Variants in MFSD12 observed in about 807,000 individuals in gnomAD.
MFSD12 encodes the protein major facilitator superfamily domain-containing protein 12.
MFSD12 carries 67 observed loss-of-function variants against 51.2 expected under a neutral mutation model. The observed-to-expected ratio is 1.31, with a 90% CI of 1.08 to 1.60. The LOEUF (loss-of-function observed/expected upper bound fraction) is 1.60. Among genes scored for constraint, MFSD12 ranks in the 40% most tolerant of loss-of-function variants. The pLI is 0.00. For missense variants in MFSD12, 921 were observed against 673.0 expected (o/e 1.37, Z -4.08); for synonymous variants, 441 against 316.7 (o/e 1.39, Z -4.17).
downstream of MFSD12, chr19:3,542,711 G>A (rs562643958): frequency 7.0e-6 from 9 of 1,287,776 alleles, no homozygotes; most frequent in East Asian, 1.1e-4. Context: ...TCGAACTCCT[G>A]ACCTCAAGTG....
chr19:3,543,403 C>T, downstream of MFSD12: 1 of 1,548,430 alleles, frequency 6.5e-7, no homozygotes, highest in Non-Finnish European at 8.7e-7. Context: ...GGGCCCCGGC[C>T]AGCCCCTTCC....
At chr19:3,545,191 G>C (rs1380773155) in intron 8 of MFSD12, among the ~76,000 whole-genome samples, 1 of 152,136 alleles carries the variant, frequency 6.6e-6, no homozygotes, top group Non-Finnish European at 1.5e-5. Context: ...GCCCCAGCAT[G>C]GCCCGCCTGC....
downstream of MFSD12, chr19:3,543,004 C>T (rs1235966973): frequency 6.3e-7 from 1 of 1,599,062 alleles, no homozygotes; most frequent in Non-Finnish European, 8.5e-7. Context: ...TTAGTGCTGA[C>T]TTGGGTGCTT....
rs1448392547 is a variant in MFSD12, at chr19:3,546,422, T to A, written c.1027A>T (p.Thr343Ser). Reference sequence around the variant, plus strand: ...ATCACCAGGAGGCCTGAGAAGTAGGTCATCTGCAGGGACAGCCCCGGGGTC... The same window carrying A: ...ATCACCAGGAGGCCTGAGAAGTAGGACATCTGCAGGGACAGCCCCGGGGTC... ...PINKCIGRNM[T>S]YFSGLLVILA... is the part of the protein sequence containing the mutation. The change falls in exon 7 of 10, where the codon ACC becomes TCC. Residue 343 changes from threonine (T) to serine (S), a missense_variant. Transcript: ENST00000355415. 1 of 1,604,342 alleles carries A rather than the reference T, an allele frequency of 6.2e-7. No individual in the cohort carries two copies. Among genetic ancestry groups the A allele is most frequent in the Non-Finnish European group, 8.5e-7 (1 of 1,176,226 alleles).
chr19:3,545,074 C>A (rs2030872133), intron 8 of MFSD12, 135 bp from the exon 9 acceptor site: 1 of 1,167,912 alleles, frequency 8.6e-7, no homozygotes, highest in Non-Finnish European at 1.2e-6. Context: ...CCTGCCACTC[C>A]CTCCCTCCTG....
At position 3,551,336 on chromosome 19, in the gene MFSD12, G is replaced by C. The variant is rs1599837218; in HGVS notation, c.299-142C>G. On this transcript the variant is annotated intron_variant, in intron 1 of 9. Transcript: ENST00000355415. This position sits in a 1 kb window ranked among gnomAD's most constrained non-coding sequence, Gnocchi z 4.6. The stretch of plus-strand genomic sequence containing the variant: ...ATGCACACAGTCACGCAGGAGCGAG[G>C]GTCTGCAGTCGGGGTCCCCCAGGCT... 1 of 668,284 alleles carries C rather than the reference G, an allele frequency of 1.5e-6. No homozygotes were observed. The highest frequency in any genetic ancestry group is 2.5e-6 in the Non-Finnish European group (1 of 406,460). The allele number at this position is 668,284 out of a possible 1,614,324, so 41.4% of individuals were successfully genotyped here.
At chr19:3,549,347 G>A (rs921531277) in intron 2 of MFSD12, among the ~76,000 whole-genome samples, 3 of 152,194 alleles carry the variant, frequency 2.0e-5, no homozygotes, top group African/African-American at 7.2e-5. Context: ...TGTAGCCAGG[G>A]CTAAGTGGCA....
chr19:3,546,639 G>A (rs917832934), intron 6 of MFSD12, among the ~76,000 whole-genome samples: 7 of 152,264 alleles, frequency 4.6e-5, no homozygotes, highest in South Asian at 2.1e-4. Flanking sequence ...GGCTGGAGAC[G>A]TGTGGCTATT....
downstream of MFSD12, chr19:3,542,331 G>A (rs1203733468): frequency 1.0e-6 from 1 of 985,270 alleles, no homozygotes; most frequent in South Asian, 4.7e-5. Context: ...CATGAGAGCT[G>A]GAACCGGGCT....
In MFSD12 at chr19:3,551,123, C is replaced by G; in HGVS notation, c.370G>C (p.Glu124Gln). The change falls in exon 2 of 10, where the codon GAG becomes CAG. Residue 124 changes from glutamate to glutamine, a missense_variant. Glu to Gln is a conservative substitution (Grantham distance 29). Transcript: ENST00000355415. The surrounding 1 kb of genome is among the most constrained non-coding windows in gnomAD (Gnocchi z 4.6). ...PCLGCGAATP[E>Q]WAALLYYGPF... Reference sequence around the variant, plus strand: ...CCGTAGTAGAGGAGGGCAGCCCACTCGGGCGTGGCCGCCCCACAGCCCAGG... The same window carrying G: ...CCGTAGTAGAGGAGGGCAGCCCACTGGGGCGTGGCCGCCCCACAGCCCAGG... 6.2e-7 allele frequency: 1 copy of G among 1,612,804 alleles called. No homozygotes were observed. The highest frequency in any genetic ancestry group is 1.1e-5 in the South Asian group (1 of 91,052).
downstream of MFSD12, chr19:3,543,449 C>G (rs1359580103): frequency 6.5e-7 from 1 of 1,544,846 alleles, no homozygotes; most frequent in East Asian, 2.4e-5. Flanking sequence ...CTGCTACCAA[C>G]ACCGTGAGTG....
rs756960550 is a variant in MFSD12 at position 3,546,251 on chromosome 19, C to T, written c.1194+4G>A. On this transcript the variant is annotated splice_donor_region_variant and intron_variant, in intron 7 of 9. Transcript: ENST00000355415. ...CCCCACCCCAGCCTGGCTACCAGCC[C>T]TACCGTGTGGGGACCGATGAGGTCG... 3.7e-6 allele frequency: 6 copies of T among 1,609,806 alleles called. No homozygotes were observed. Among genetic ancestry groups the T allele is most frequent in the Non-Finnish European group, 4.2e-6 (5 of 1,178,204 alleles).
chr19:3,545,019 A>C lies in MFSD12; in HGVS notation c.1290-80T>G, dbSNP rs1427588417. The C allele has an allele frequency of 1.5e-5, 22 of 1,492,908 alleles. No homozygotes were observed. In the African/African-American group the frequency reaches 2.7e-4, roughly 18 times the overall value. The allele number at this position is 1,492,908 out of a possible 1,614,324, so 92.5% of individuals were successfully genotyped here. On this transcript the variant is annotated intron_variant, in intron 8 of 9. Transcript: ENST00000355415. ...CCAAGCTGAACCTGTGCCTCCCCTC[A>C]CCCCCGACAGCGGCTCCGTCCTGTC...
intron 1 of MFSD12, among the ~76,000 whole-genome samples, chr19:3,556,680 G>A (rs1487993075): frequency 2.0e-5 from 3 of 151,530 alleles, no homozygotes; most frequent in Non-Finnish European, 4.4e-5. Context: ...ACCACAGAGG[G>A]GCCACTGGGT....
intron 4 of MFSD12, chr19:3,539,165 G>A (rs1001637209): frequency 1.3e-6 from 2 of 1,544,598 alleles, no homozygotes; most frequent in Non-Finnish European, 8.8e-7. Context: ...GAGCCCGGGG[G>A]ATCCAGGCAG....
chr19:3,544,779 C>T (rs775337001), intron 9 of MFSD12, 30 bp downstream of exon 9: 8 of 570,944 alleles, frequency 1.4e-5, no homozygotes, highest in Non-Finnish European at 2.0e-5. Context: ...GGGTCAGTGT[C>T]TGGGGAGGGA....
chr19:3,543,236 G>T (rs73920156), downstream of MFSD12: 61 of 1,542,730 alleles, frequency 4.0e-5, no homozygotes, highest in South Asian at 7.1e-4. Flanking sequence ...CACCCTCAGC[G>T]ATGACTACCT....
At chr19:3,541,674 G>A (rs1223899531), downstream of MFSD12, 5 of 985,168 alleles carry the variant, frequency 5.1e-6, no homozygotes, top group African/African-American at 1.7e-5. Flanking sequence ...ATGGGCTCCC[G>A]CAAGTGTGTA....
At chr19:3,556,376 CAT>C (rs1432749271) in intron 1 of MFSD12, among the ~76,000 whole-genome samples, 1 of 152,236 alleles carries the variant, frequency 6.6e-6, no homozygotes, top group Non-Finnish European at 1.5e-5. Context: ...ACTAGAAAGT[CAT>C]GTAGTCAGAT....
Sources: gnomAD v4.1 joint callset for allele counts (sites outside exome capture counted in the v4.1 genomes callset) on GRCh38, gnomAD v4.1.1 for gene constraint, Gnocchi (gnomAD v3.1) non-coding constraint, MANE v1.5 for transcripts, NCBI Gene and HGNC (gene_info 2026-07-23, HGNC 2026-07-21) for gene names.